CCDC180: variants seen among roughly 807,000 people sequenced by gnomAD.
CCDC180 encodes the protein coiled-coil domain containing 180, also known as coiled-coil domain-containing protein 180.
A neutral mutation model predicts 209.2 loss-of-function variants in CCDC180; 154 were observed. That is an observed-to-expected ratio of 0.74 (90% CI 0.65 to 0.84). The LOEUF (loss-of-function observed/expected upper bound fraction) is 0.84. CCDC180 is among the 40% of genes least tolerant of loss of function. The pLI is 0.00. For synonymous variants in CCDC180, 778 were observed against 749.1 expected (o/e 1.04, Z -0.63); for missense variants, 1,874 against 1,997.3 (o/e 0.94, Z 1.18).
rs1826618666 is a variant in CCDC180, at chr9:97,357,617, G to A, written c.3265-10G>A. 6.3e-7 allele frequency: 1 copy of A among 1,596,948 alleles called. No homozygotes were observed. Among genetic ancestry groups the A allele is most frequent in the African/African-American group, 1.3e-5 (1 of 74,302 alleles). ...CTAGAAACAAAATCTCGGAACCTCT[G>A]GTTTTCTAGGTGGCAAAATCCAATT... On this transcript the variant is annotated splice_polypyrimidine_tract_variant and intron_variant, in intron 24 of 36. Transcript: ENST00000529487.
At chr9:97,328,577 C>T (rs888258855) in intron 16 of CCDC180, among the ~76,000 whole-genome samples, 1 of 152,172 alleles carries the variant, frequency 6.6e-6, no homozygotes, top group African/African-American at 2.4e-5. Flanking sequence ...GACTCTCCCT[C>T]ATCCAGCAGA....
intron 3 of CCDC180, among the ~76,000 whole-genome samples, chr9:97,311,732 C>A (rs1328029972): frequency 5.9e-5 from 9 of 152,186 alleles, no homozygotes; most frequent in Non-Finnish European, 8.8e-5. Flanking sequence ...GCTGAAGGAG[C>A]AAATGAGGAT....
chr9:97,339,110 T>C (rs1429653616), intron 18 of CCDC180, among the ~76,000 whole-genome samples: 9 of 151,980 alleles, frequency 5.9e-5, no homozygotes, highest in African/African-American at 2.2e-4. Context: ...GACTCTTTAT[T>C]CAATTTGCCA....
rs1460350007 is a variant in CCDC180, at chr9:97,325,120, G to C, written c.1473G>C (p.Glu491Asp). Reference sequence around the variant, plus strand: ...AACTGTGGGAGGCACACCAGAGCGAGCTGTTGGTGCAGGAGCTGGAGCTGG... The same window carrying C: ...AACTGTGGGAGGCACACCAGAGCGACCTGTTGGTGCAGGAGCTGGAGCTGG... Reference protein sequence around the residue: ...VVQLWEAHQSELLVQELELEK... With the variant: ...VVQLWEAHQSDLLVQELELEK... The change falls in exon 14 of 37, where the codon GAG (glutamate) becomes GAC (aspartate). Residue 491 changes from glutamate (E) to aspartate (D), a missense_variant. By Grantham distance (45) the Glu-to-Asp change is conservative. Transcript: ENST00000529487. The C allele has an allele frequency of 6.2e-7, 1 of 1,613,438 alleles. No individual in the cohort carries two copies. The highest frequency in any genetic ancestry group is 8.5e-7 in the Non-Finnish European group (1 of 1,179,770).
rs1832840934 is a variant in CCDC180, at chr9:97,307,736, A to G, written c.-152A>G. ...AATCCTGTATTATTCGCGTTCCCAG[A>G]GTCCCTTCGGATTTGCGCCATGCGC... On this transcript the variant is annotated 5_prime_UTR_variant, in exon 1 of 37. Coordinates refer to ENST00000529487, the MANE Select transcript of CCDC180 (RefSeq NM_020893.6). The G allele has an allele frequency of 6.2e-7, 1 of 1,613,950 alleles. No homozygotes were observed. The highest frequency in any genetic ancestry group is 1.3e-5 in the African/African-American group (1 of 74,926).
Position 97,318,581 on chromosome 9 carries a change from TG to T in CCDC180, c.1079+1del, listed in dbSNP as rs778212894. On this transcript the variant is annotated frameshift_variant and splice_region_variant, in exon 10 of 37. Coordinates refer to ENST00000529487, the MANE Select transcript of CCDC180 (RefSeq NM_020893.6). LOFTEE classifies it high-confidence loss of function. ...GCGGCTGAAGCATCTCTGCACCATCTGGTATGGGCAGGAGGGGCGGCCCAGG... is the reference window on the plus strand; with the variant it reads ...GCGGCTGAAGCATCTCTGCACCATCTGTATGGGCAGGAGGGGCGGCCCAGG... Reference protein sequence around the residue: ...QRRLKHLCTICDLLPPSYSKT... With the variant: ...QRRLKHLCTIXDLLPPSYSKT... 3 of 1,612,332 alleles carry T rather than the reference TG, an allele frequency of 1.9e-6. No homozygotes were observed. The highest frequency in any genetic ancestry group is 1.1e-5 in the South Asian group (1 of 91,062).
chr9:97,314,780 T>G (rs745510369), intron 7 of CCDC180, 52 bp downstream of exon 7: 12 of 1,599,278 alleles, frequency 7.5e-6, no homozygotes, highest in South Asian at 1.1e-5. Flanking sequence ...CCGGGTTTAT[T>G]AGGCATCCTT....
chr9:97,370,532 C>A (rs1022636444), intron 32 of CCDC180, 109 bp from the exon 33 acceptor site: 4 of 1,284,520 alleles, frequency 3.1e-6, no homozygotes, highest in Non-Finnish European at 4.4e-6. Context: ...CCCCACACAC[C>A]CAGGTCAGAG....
intron 25 of CCDC180, 164 bp downstream of exon 25, chr9:97,357,889 G>A: frequency 1.8e-6 from 1 of 557,044 alleles, no homozygotes; most frequent in South Asian, 2.6e-5. Flanking sequence ...TTCATGGAAT[G>A]AAGAAAGGAA....
At chr9:97,333,830 T>TA (rs1242169357) in intron 18 of CCDC180, among the ~76,000 whole-genome samples, 4 of 150,666 alleles carry the variant, frequency 2.7e-5, no homozygotes, top group African/African-American at 2.4e-5. Flanking sequence ...TTTTAATTAT[T>TA]TTTTTTTTGA....
intron 19 of CCDC180, chr9:97,343,780 A>G: frequency 1.8e-6 from 1 of 541,252 alleles, no homozygotes. Flanking sequence ...GACCCCCTGC[A>G]CCCACCTCAG....
intron 18 of CCDC180, among the ~76,000 whole-genome samples, chr9:97,337,186 A>T (rs940240326): frequency 5.9e-5 from 9 of 152,190 alleles, no homozygotes; most frequent in African/African-American, 2.2e-4. Flanking sequence ...CCTGGCCAGA[A>T]CTTCCAACAC....
In CCDC180 at chr9:97,349,095, C is replaced by T; in HGVS notation, c.2675-16C>T. On this transcript the variant is annotated splice_polypyrimidine_tract_variant and intron_variant, in intron 20 of 36. Transcript: ENST00000529487. ...ATCGGGTCCCCGGGGCCCCAGCTCT[C>T]TTAATCCTTTTTCAGCCGAGCTTTT... is the stretch of plus-strand genomic sequence containing the variant. The T allele has an allele frequency of 6.5e-7, 1 of 1,534,226 alleles. No individual in the cohort carries two copies.
At chr9:97,337,897 G>A (rs897577581) in intron 18 of CCDC180, among the ~76,000 whole-genome samples, 6 of 152,182 alleles carry the variant, frequency 3.9e-5, no homozygotes, top group African/African-American at 1.4e-4. Context: ...TCTTAGAAGG[G>A]AGTATGTGTC....
At position 97,352,628 on chromosome 9, in the gene CCDC180, C is replaced by T. The variant is rs374855947; in HGVS notation, c.3003-1941C>T. 2.4e-4 allele frequency among the ~76,000 whole-genome samples: 37 copies of T among 152,228 alleles called. 1 individual carries two copies. The South Asian group carries it at 6.6e-3, about 27-fold the overall frequency. ...TTTTCTGAGCCCCAAGAGTGGGCACCTTCCATGTCAGTATCTGCAAAGCTT... is the reference window on the plus strand; with the variant it reads ...TTTTCTGAGCCCCAAGAGTGGGCACTTTCCATGTCAGTATCTGCAAAGCTT... On this transcript the variant is annotated intron_variant, in intron 22 of 36. Coordinates refer to ENST00000529487, the MANE Select transcript of CCDC180 (RefSeq NM_020893.6).
chr9:97,360,129 A>AGGGT, intron 26 of CCDC180, 28 bp downstream of exon 26: 1 of 1,607,856 alleles, frequency 6.2e-7, no homozygotes, highest in Non-Finnish European at 8.5e-7. Context: ...GTGGCAGGAA[A>AGGGT]GGGTGGGTGA....
intron 18 of CCDC180, among the ~76,000 whole-genome samples, chr9:97,341,815 G>A (rs983517492): frequency 1.3e-5 from 2 of 152,332 alleles, no homozygotes; most frequent in Admixed American, 6.5e-5. Flanking sequence ...GGTGGGCCTC[G>A]TTGAGCTGAG....
At chr9:97,324,038 T>C in intron 13 of CCDC180, 135 bp downstream of exon 13, 1 of 1,093,930 alleles carries the variant, frequency 9.1e-7, no homozygotes. Context: ...TCAGCCCCTC[T>C]CAGAGTAGCC....
intron 12 of CCDC180, 137 bp downstream of exon 12, chr9:97,323,058 C>T (rs1833409498): frequency 3.1e-6 from 2 of 654,868 alleles, no homozygotes; most frequent in Admixed American, 5.0e-5. Context: ...AGCCTCCATC[C>T]AAGCTTTTCT....
Sources: gnomAD v4.1 joint callset for allele counts (sites outside exome capture counted in the v4.1 genomes callset) on GRCh38, gnomAD v4.1.1 for gene constraint, MANE v1.5 for transcripts, NCBI Gene and HGNC (gene_info 2026-07-23, HGNC 2026-07-21) for gene names.